DYNLRB1: variants seen among roughly 807,000 people sequenced by gnomAD.
DYNLRB1 encodes ROBL/LC7-like 1.
In DYNLRB1, 6 loss-of-function variants were observed where a neutral mutation model predicts 13.5. The observed-to-expected ratio is 0.44, with a 90% confidence interval of 0.24 to 0.88. The LOEUF (loss-of-function observed/expected upper bound fraction) is 0.88, where lower values mean the gene tolerates loss of function less well. DYNLRB1 is among the 40% of genes least tolerant of loss of function. The probability of loss-of-function intolerance (pLI) is 0.21; values close to 1 mark genes in which losing one functional copy is unlikely to be tolerated. For synonymous variants in DYNLRB1, 43 were observed against 45.0 expected (o/e 0.96, Z 0.18); for missense variants, 93 against 127.2 (o/e 0.73, Z 1.29).
rs560549638 is a variant in DYNLRB1, at chr20:34,533,124, G to A, written c.80-1504G>A. On this transcript the variant is annotated intron_variant, in intron 2 of 3. Coordinates refer to ENST00000357156, the MANE Select transcript of DYNLRB1 (RefSeq NM_014183.4). The stretch of plus-strand genomic sequence containing the variant: ...TGCGGTGGCTCAGTGTGAGCCGCAT[G>A]CCTCACCTCTGTGACAGTAGGCACC... Among the ~76,000 whole-genome samples the A allele has an allele frequency of 2.0e-5, 3 of 152,320 alleles. No individual in the cohort carries two copies. In the South Asian group the frequency reaches 6.2e-4, roughly 32 times the overall value.
chr20:34,522,504 ACT>A (rs1263212642), intron 1 of DYNLRB1, among the ~76,000 whole-genome samples: 1 of 58,054 alleles, frequency 1.7e-5, no homozygotes, highest in East Asian at 4.7e-4. Flanking sequence ...TGAGTCTTAC[ACT>A]CTGTTTTCCA....
chr20:34,527,398 G>T (rs1371745677), intron 2 of DYNLRB1, among the ~76,000 whole-genome samples: 3 of 152,200 alleles, frequency 2.0e-5, no homozygotes, highest in African/African-American at 4.8e-5. Flanking sequence ...AAGTTGAAGA[G>T]TAACTAAGAA....
intron 3 of DYNLRB1, among the ~76,000 whole-genome samples, chr20:34,538,733 G>GT (rs1317807030): frequency 6.6e-6 from 1 of 152,158 alleles, no homozygotes; most frequent in Non-Finnish European, 1.5e-5. Flanking sequence ...TTTCTTCCCT[G>GT]TTGCAACAGC....
At chr20:34,536,967 C>T (rs1471110539) in intron 3 of DYNLRB1, among the ~76,000 whole-genome samples, 1 of 152,150 alleles carries the variant, frequency 6.6e-6, no homozygotes, top group Non-Finnish European at 1.5e-5. Flanking sequence ...CTGAAAGCTC[C>T]TGGCCATTCA....
At chr20:34,515,971 T>A (rs919625945), upstream of DYNLRB1, among the ~76,000 whole-genome samples, 1 of 152,198 alleles carries the variant, frequency 6.6e-6, no homozygotes, top group African/African-American at 2.4e-5. Context: ...CTCGGCTCAC[T>A]GCAGCCTCGA....
At chr20:34,525,092 G>A (rs1980083709) in intron 1 of DYNLRB1, among the ~76,000 whole-genome samples, 2 of 152,184 alleles carry the variant, frequency 1.3e-5, no homozygotes, top group African/African-American at 4.8e-5. Context: ...TCTGTCACAG[G>A]GGAGTGGGTG....
At chr20:34,537,157 C>G (rs1981212291) in intron 3 of DYNLRB1, among the ~76,000 whole-genome samples, 1 of 152,136 alleles carries the variant, frequency 6.6e-6, no homozygotes, top group Admixed American at 6.5e-5. Context: ...GATGAGGTGG[C>G]CAGTCCCTCA....
intron 2 of DYNLRB1, among the ~76,000 whole-genome samples, chr20:34,527,201 C>T (rs182042362): frequency 2.0e-5 from 3 of 152,306 alleles, no homozygotes; most frequent in African/African-American, 2.4e-5. Flanking sequence ...TGGGTGCTTT[C>T]TCCCGCGCCA....
At chr20:34,517,874 T>A (rs929750484) in intron 1 of DYNLRB1, among the ~76,000 whole-genome samples, 2 of 152,158 alleles carry the variant, frequency 1.3e-5, no homozygotes, top group Non-Finnish European at 2.9e-5. Flanking sequence ...CCTGACCTCG[T>A]GATCTGCTCG....
At chr20:34,529,051 C>T (rs1207873401) in intron 2 of DYNLRB1, among the ~76,000 whole-genome samples, 5 of 151,940 alleles carry the variant, frequency 3.3e-5, no homozygotes, top group Non-Finnish European at 5.9e-5. Flanking sequence ...AGGGGCTGCT[C>T]CCACAGGCCA....
intron 1 of DYNLRB1, among the ~76,000 whole-genome samples, chr20:34,519,819 T>C (rs1384135364): frequency 3.3e-5 from 5 of 152,188 alleles, no homozygotes; most frequent in African/African-American, 1.2e-4. Flanking sequence ...GAAACTGACC[T>C]TTAGAATAAT....
At chr20:34,535,577 C>T (rs775606240) in intron 3 of DYNLRB1, 3 of 944,084 alleles carry the variant, frequency 3.2e-6, no homozygotes, top group Non-Finnish European at 3.8e-6. Context: ...GGGTGGCAGG[C>T]AGAGCCTCCA....
chr20:34,540,248 G>A (rs1382590032), intron 3 of DYNLRB1, among the ~76,000 whole-genome samples: 1 of 152,202 alleles, frequency 6.6e-6, no homozygotes, highest in Non-Finnish European at 1.5e-5. Flanking sequence ...CAATTCATTG[G>A]AGCTCTTTGA....
At chr20:34,536,015 A>AG (rs1981116110) in intron 3 of DYNLRB1, 3 of 985,270 alleles carry the variant, frequency 3.0e-6, no homozygotes, top group Non-Finnish European at 3.6e-6. Flanking sequence ...CAGGCCTGGA[A>AG]GGATGGGCAG....
intron 1 of DYNLRB1, among the ~76,000 whole-genome samples, chr20:34,519,274 AT>A (rs1979517874): frequency 6.6e-6 from 1 of 152,202 alleles, no homozygotes. Context: ...TGTGGTCCCC[AT>A]CTTACTACCC....
chr20:34,518,986 G>T (rs936798857), intron 1 of DYNLRB1, among the ~76,000 whole-genome samples: 2 of 151,878 alleles, frequency 1.3e-5, no homozygotes, highest in East Asian at 3.9e-4. Context: ...TCTGCCTCCC[G>T]GGTTCGAGTG....
At chr20:34,536,911 T>C (rs1205272452) in intron 3 of DYNLRB1, among the ~76,000 whole-genome samples, 2 of 152,124 alleles carry the variant, frequency 1.3e-5, no homozygotes, top group Non-Finnish European at 2.9e-5. Flanking sequence ...CAGTGTCCCT[T>C]GGCATAAAGC....
intron 3 of DYNLRB1, chr20:34,536,383 A>G (rs1344987641): frequency 1.9e-5 from 19 of 985,308 alleles, no homozygotes; most frequent in Non-Finnish European, 2.3e-5. Context: ...CCTTGGAATC[A>G]GATTTAAACT....
upstream of DYNLRB1, chr20:34,516,367 G>A: frequency 6.4e-7 from 1 of 1,571,456 alleles, no homozygotes; most frequent in South Asian, 1.2e-5. Flanking sequence ...GGCAGCTAGA[G>A]CTGTCCGTTT....
Sources: gnomAD v4.1 joint callset for allele counts (sites outside exome capture counted in the v4.1 genomes callset) on GRCh38, gnomAD v4.1.1 for gene constraint, MANE v1.5 for transcripts, NCBI Gene and HGNC (gene_info 2026-07-23, HGNC 2026-07-21) for gene names.